The following FYB2 variants were observed in gnomAD, a reference collection of about 807,000 sequenced individuals.
The protein encoded by FYB2 is FYN binding protein 2.
Under a neutral mutation model 94.1 loss-of-function variants are expected in FYB2, and 103 were observed. The observed-to-expected ratio is 1.09, with a 90% CI of 0.93 to 1.29. The LOEUF (loss-of-function observed/expected upper bound fraction) is 1.29, where lower values mean the gene tolerates loss of function less well. Ranked by LOEUF, FYB2 falls within the 50% of genes most tolerant of loss-of-function variation. The probability of loss-of-function intolerance (pLI) is 0.00; values close to 1 mark genes in which losing one functional copy is unlikely to be tolerated. For synonymous variants in FYB2, 293 were observed against 287.9 expected (o/e 1.02, Z -0.18); for missense variants, 896 against 841.5 (o/e 1.06, Z -0.80).
chr1:56,769,099 C>T lies in FYB2; in HGVS notation c.954-1161G>A, dbSNP rs184034967. Among the ~76,000 whole-genome samples the T allele has an allele frequency of 6.2e-4, 95 of 152,116 alleles. No homozygotes were observed. In the East Asian group the frequency reaches 9.8e-3, roughly 16 times the overall value. ...TGTCACCCAGGCTGGAGTACAGTGG[C>T]GCAATCTCAGCTCACTGCAGCCTCA... On this transcript the variant is annotated intron_variant, in intron 4 of 19. Transcript: ENST00000343433.
chr1:56,724,872 G>T (rs1384496447), intron 16 of FYB2, among the ~76,000 whole-genome samples: 4 of 151,952 alleles, frequency 2.6e-5, no homozygotes, highest in Non-Finnish European at 4.4e-5. Flanking sequence ...GTTGGAGGTG[G>T]GGCCTAATGG....
chr1:56,726,644 T>C, intron 15 of FYB2, 61 bp from the exon 16 acceptor site: 1 of 1,344,522 alleles, frequency 7.4e-7, no homozygotes, highest in Admixed American at 2.0e-5. Context: ...CATGGAACCA[T>C]CAACACTTCA....
At chr1:56,802,340 C>T (rs1646541662) in intron 1 of FYB2, among the ~76,000 whole-genome samples, 1 of 152,202 alleles carries the variant, frequency 6.6e-6, no homozygotes, top group Non-Finnish European at 1.5e-5. Context: ...CGAAACACTT[C>T]ATCCCCATTT....
intron 4 of FYB2, among the ~76,000 whole-genome samples, chr1:56,781,616 C>G (rs566206129): frequency 6.6e-6 from 1 of 152,136 alleles, no homozygotes; most frequent in Non-Finnish European, 1.5e-5. Flanking sequence ...CTTTCCAGGA[C>G]GTCTTTCTGT....
intron 15 of FYB2, 40 bp downstream of exon 15, chr1:56,737,047 C>A: frequency 6.9e-7 from 1 of 1,447,236 alleles, no homozygotes; most frequent in South Asian, 1.2e-5. Flanking sequence ...GGAAATGGGT[C>A]AAATATCAGC....
intron 1 of FYB2, among the ~76,000 whole-genome samples, chr1:56,818,265 T>C (rs1451985383): frequency 6.6e-6 from 1 of 151,894 alleles, no homozygotes; most frequent in Non-Finnish European, 1.5e-5. Context: ...ACTCAGCTAT[T>C]TGGACTGGAG....
chr1:56,820,240 A>AG (rs11463365), upstream of FYB2, among the ~76,000 whole-genome samples: 2 of 151,944 alleles, frequency 1.3e-5, no homozygotes, highest in African/African-American at 2.4e-5. Context: ...AAAAAAAAAA[A>AG]AAGTGAGGAA....
chr1:56,817,016 G>T (rs1646898961), intron 1 of FYB2, among the ~76,000 whole-genome samples: 1 of 152,044 alleles, frequency 6.6e-6, no homozygotes, highest in African/African-American at 2.4e-5. Context: ...TCTCCTACCT[G>T]GTCAGCCAGC....
At chr1:56,807,287 A>T (rs1646669401) in intron 1 of FYB2, among the ~76,000 whole-genome samples, 4 of 152,322 alleles carry the variant, frequency 2.6e-5, no homozygotes, top group African/African-American at 7.2e-5. Context: ...CTCCACAGCT[A>T]TGATGTAAAC....
At chr1:56,766,524 C>A (rs1045690689) in intron 5 of FYB2, among the ~76,000 whole-genome samples, 4 of 151,956 alleles carry the variant, frequency 2.6e-5, no homozygotes, top group African/African-American at 9.7e-5. Context: ...AGCTCCGCCT[C>A]CCAGGTTCAA....
chr1:56,758,686 A>C, intron 6 of FYB2, 30 bp downstream of exon 6: 6 of 1,541,390 alleles, frequency 3.9e-6, no homozygotes, highest in Non-Finnish European at 3.5e-6. Flanking sequence ...TTTTACTTTT[A>C]GTTACAATGT....
At chr1:56,770,219 C>T (rs1007040680) in intron 4 of FYB2, among the ~76,000 whole-genome samples, 1 of 151,986 alleles carries the variant, frequency 6.6e-6, no homozygotes, top group Non-Finnish European at 1.5e-5. Flanking sequence ...ATTACCATAC[C>T]GACTGAGAAA....
rs567815207 is a variant in FYB2, at chr1:56,753,211, G to C, written c.1227+628C>G. On this transcript the variant is annotated intron_variant, in intron 8 of 19. Transcript: ENST00000343433. ...GAGTACTGGCAATAGCCCTGGTGGTGTCTATTGTTTAAGCCTCCTGCCACC... is the reference window on the plus strand; with the variant it reads ...GAGTACTGGCAATAGCCCTGGTGGTCTCTATTGTTTAAGCCTCCTGCCACC... 2.6e-5 allele frequency among the ~76,000 whole-genome samples: 4 copies of C among 152,204 alleles called. No homozygotes were observed. In the South Asian group the frequency reaches 8.3e-4, roughly 32 times the overall value.
intron 4 of FYB2, among the ~76,000 whole-genome samples, chr1:56,769,426 G>A (rs896996919): frequency 1.5e-4 from 23 of 151,950 alleles, no homozygotes; most frequent in Non-Finnish European, 1.9e-4. Context: ...AGAAGAGATA[G>A]GGAGGATAGA....
chr1:56,735,917 A>C (rs537540469), intron 15 of FYB2, among the ~76,000 whole-genome samples: 69 of 152,150 alleles, frequency 4.5e-4, no homozygotes, highest in Non-Finnish European at 8.8e-4. Flanking sequence ...TATAGTTAAC[A>C]ATAATATATC....
rs545907026 is a variant in FYB2 at position 56,721,612 on chromosome 1, T to C, written c.1975-1283A>G. On this transcript the variant is annotated intron_variant, in intron 17 of 19. Coordinates refer to ENST00000343433, the MANE Select transcript of FYB2 (RefSeq NM_001004303.5). ...TAAAAACTCCTTATTGCTTTCAAGA[T>C]GAGATCCACACTGCTTAGCTCGACA... Among the ~76,000 whole-genome samples, 6 of 148,498 alleles carry C rather than the reference T, an allele frequency of 4.0e-5. No homozygotes were observed. In the South Asian group the frequency reaches 1.3e-3, roughly 32 times the overall value.
chr1:56,728,749 C>T (rs1052834757), intron 15 of FYB2, among the ~76,000 whole-genome samples: 3 of 152,078 alleles, frequency 2.0e-5, no homozygotes, highest in African/African-American at 7.2e-5. Flanking sequence ...ACCCTATATC[C>T]ACTCTCTTTC....
intron 1 of FYB2, among the ~76,000 whole-genome samples, chr1:56,813,287 AG>A (rs1192679489): frequency 1.9e-3 from 292 of 152,062 alleles, no homozygotes; most frequent in African/African-American, 6.6e-3. Flanking sequence ...ATGGACTCCC[AG>A]TTCCACATGG....
intron 1 of FYB2, among the ~76,000 whole-genome samples, chr1:56,795,417 T>C (rs1468053854): frequency 6.6e-6 from 1 of 152,196 alleles, no homozygotes; most frequent in Non-Finnish European, 1.5e-5. Context: ...TCTTAGCTAT[T>C]ATGAATGATG....
Sources: gnomAD v4.1 joint callset for allele counts (sites outside exome capture counted in the v4.1 genomes callset) on GRCh38, gnomAD v4.1.1 for gene constraint, MANE v1.5 for transcripts, NCBI Gene and HGNC (gene_info 2026-07-23, HGNC 2026-07-21) for gene names.